Variants in CNTNAP2 observed in about 807,000 individuals in gnomAD.
CNTNAP2 encodes the protein contactin-associated protein-like 2.
Under a neutral mutation model 155.2 loss-of-function variants are expected in CNTNAP2, and 98 were observed. That is an observed-to-expected ratio of 0.63 (90% confidence interval 0.54 to 0.75). The LOEUF (loss-of-function observed/expected upper bound fraction) is 0.75, where lower values mean the gene tolerates loss of function less well. Ranked by LOEUF, CNTNAP2 falls within the 30% of genes least tolerant of loss-of-function variation. The pLI is 0.00. For missense variants in CNTNAP2, 1,727 were observed against 1,688.1 expected (o/e 1.02, Z -0.40); for synonymous variants, 651 against 631.2 (o/e 1.03, Z -0.47).
intron 1 of CNTNAP2, among the ~76,000 whole-genome samples, chr7:146,291,958 G>T (rs1379094223): frequency 6.6e-5 from 10 of 152,102 alleles, no homozygotes; most frequent in Non-Finnish European, 1.5e-4. Context: ...GATTGGGAAA[G>T]AATATATTTG....
intron 20 of CNTNAP2, among the ~76,000 whole-genome samples, chr7:148,234,697 G>C (rs1383162746): frequency 6.6e-6 from 1 of 152,218 alleles, no homozygotes; most frequent in East Asian, 1.9e-4. Flanking sequence ...CAGATGAAGA[G>C]GCCAAAGGCT....
chr7:147,164,077 A>G (rs1048241319), intron 8 of CNTNAP2, among the ~76,000 whole-genome samples: 2 of 152,236 alleles, frequency 1.3e-5, no homozygotes, highest in African/African-American at 4.8e-5. Flanking sequence ...GATAAATGGA[A>G]GACTTTATTC....
intron 8 of CNTNAP2, among the ~76,000 whole-genome samples, chr7:147,144,399 C>T (rs944378124): frequency 6.6e-6 from 1 of 152,172 alleles, no homozygotes. Flanking sequence ...ACTACACTTC[C>T]AGCACACTTT....
intron 8 of CNTNAP2, among the ~76,000 whole-genome samples, chr7:147,295,648 G>A (rs1374960839): frequency 6.6e-6 from 1 of 152,104 alleles, no homozygotes; most frequent in African/African-American, 2.4e-5. Flanking sequence ...ACAGCCTTCA[G>A]GATACTATTT....
At chr7:147,281,140 TAAAAG>T (rs892662359) in intron 8 of CNTNAP2, among the ~76,000 whole-genome samples, 24 of 151,870 alleles carry the variant, frequency 1.6e-4, no homozygotes, top group Non-Finnish European at 2.7e-4. Flanking sequence ...ACATATAACT[TAAAAG>T]AAAGTTCATA....
chr7:146,854,316 C>T (rs1264632374), intron 3 of CNTNAP2, among the ~76,000 whole-genome samples: 1 of 152,178 alleles, frequency 6.6e-6, no homozygotes, highest in Non-Finnish European at 1.5e-5. Context: ...TGTTTCTTGA[C>T]TTAAGTGCTT....
intron 1 of CNTNAP2, among the ~76,000 whole-genome samples, chr7:146,550,420 T>TTG (rs1554447385): frequency 8.7e-5 from 12 of 138,326 alleles, no homozygotes; most frequent in Non-Finnish European, 1.3e-4. Flanking sequence ...TTTTTTTTTT[T>TTG]TTTTTTTTTA....
intron 2 of CNTNAP2, among the ~76,000 whole-genome samples, chr7:146,818,448 A>C (rs974909803): frequency 5.3e-5 from 8 of 152,156 alleles, no homozygotes; most frequent in Admixed American, 5.2e-4. Flanking sequence ...ATGTCTCTCC[A>C]TGAAATAAAA....
At chr7:146,743,839 A>G (rs1056643601) in intron 1 of CNTNAP2, among the ~76,000 whole-genome samples, 1 of 152,188 alleles carries the variant, frequency 6.6e-6, no homozygotes, top group Non-Finnish European at 1.5e-5. Flanking sequence ...CACTTGTGGT[A>G]GTAATCATAA....
chr7:147,932,138 G>C (rs1195327952), intron 14 of CNTNAP2, among the ~76,000 whole-genome samples: 1 of 152,022 alleles, frequency 6.6e-6, no homozygotes, highest in Non-Finnish European at 1.5e-5. Flanking sequence ...CACCCACCTT[G>C]GCCTTCCAAA....
chr7:147,780,489 C>T (rs1301689490), intron 13 of CNTNAP2, among the ~76,000 whole-genome samples: 1 of 151,936 alleles, frequency 6.6e-6, no homozygotes, highest in Non-Finnish European at 1.5e-5. Context: ...CACAGAAAAT[C>T]CAAAATATAA....
At chr7:146,517,894 G>A (rs801971) in intron 1 of CNTNAP2, among the ~76,000 whole-genome samples, 35,509 of 151,542 alleles carry the variant, frequency 0.23, 4,415 homozygotes, top group East Asian at 0.43. Flanking sequence ...ATATGAATGC[G>A]CCATGACTTA....
chr7:148,197,485 G>A (rs186334265), intron 18 of CNTNAP2, among the ~76,000 whole-genome samples: 5 of 152,134 alleles, frequency 3.3e-5, no homozygotes, highest in Non-Finnish European at 5.9e-5. Flanking sequence ...TTTAAATCCC[G>A]GAAACGAAAG....
At chr7:147,555,504 C>T (rs530024212) in intron 11 of CNTNAP2, among the ~76,000 whole-genome samples, 28 of 152,240 alleles carry the variant, frequency 1.8e-4, no homozygotes, top group East Asian at 1.5e-3. Context: ...TTGATGGATA[C>T]GCAAAATGTT....
intron 15 of CNTNAP2, among the ~76,000 whole-genome samples, chr7:148,082,519 G>A (rs781284478): frequency 6.6e-6 from 1 of 152,108 alleles, no homozygotes; most frequent in Non-Finnish European, 1.5e-5. Flanking sequence ...AGACGCAAAA[G>A]GCATCAAATA....
chr7:146,450,498 C>T (rs988418884), intron 1 of CNTNAP2, among the ~76,000 whole-genome samples: 2 of 152,180 alleles, frequency 1.3e-5, no homozygotes, highest in Non-Finnish European at 2.9e-5. Context: ...CTAACTTCCT[C>T]GTGTGGCTTC....
intron 8 of CNTNAP2, among the ~76,000 whole-genome samples, chr7:147,241,415 G>T (rs1803935346): frequency 6.6e-6 from 1 of 151,986 alleles, no homozygotes; most frequent in African/African-American, 2.4e-5. Flanking sequence ...ATCAGTTGAG[G>T]TCAGGAGTTC....
chr7:146,796,482 T>TG (rs1165745206), intron 2 of CNTNAP2, among the ~76,000 whole-genome samples: 1 of 152,152 alleles, frequency 6.6e-6, no homozygotes, highest in Non-Finnish European at 1.5e-5. Flanking sequence ...CAGCTTCTCC[T>TG]GGGGTACTTT....
At chr7:148,256,179 C>T (rs531032345) in intron 20 of CNTNAP2, among the ~76,000 whole-genome samples, 5 of 152,192 alleles carry the variant, frequency 3.3e-5, no homozygotes, top group African/African-American at 4.8e-5. Context: ...GGCAGGTGGA[C>T]GCTTCCTCCC....
Sources: gnomAD v4.1 joint callset for allele counts (sites outside exome capture counted in the v4.1 genomes callset) on GRCh38, gnomAD v4.1.1 for gene constraint, MANE v1.5 for transcripts, NCBI Gene and HGNC (gene_info 2026-07-23, HGNC 2026-07-21) for gene names.